Variants in AGA observed in about 807,000 individuals in gnomAD.
The protein encoded by AGA is N(4)-(beta-N-acetylglucosaminyl)-L-asparaginase.
AGA carries 31 observed loss-of-function variants against 40.1 expected under a neutral mutation model. The observed-to-expected ratio is 0.77, with a 90% confidence interval of 0.58 to 1.04. The LOEUF (loss-of-function observed/expected upper bound fraction) is 1.04. Ranked by LOEUF, AGA falls within the 50% of genes least tolerant of loss-of-function variation. The probability of loss-of-function intolerance (pLI) is 0.00; values close to 1 mark genes in which losing one functional copy is unlikely to be tolerated. For synonymous variants in AGA, 148 were observed against 144.0 expected (o/e 1.03, Z -0.20); for missense variants, 445 against 435.4 (o/e 1.02, Z -0.20).
chr4:177,431,248 T>A lies in AGA; in HGVS notation c.*460A>T, dbSNP rs1354543551. The A allele has an allele frequency of 2.3e-6, 1 of 440,134 alleles. No individual in the cohort carries two copies. Among genetic ancestry groups the A allele is most frequent in the Non-Finnish European group, 4.5e-6 (1 of 222,790 alleles). The allele number at this position is 440,134 out of a possible 1,614,324, so 27.3% of individuals were successfully genotyped here. A position where few individuals can be genotyped will look rare whatever the true frequency, so the allele number is the denominator to read the frequency against. On this transcript the variant is annotated 3_prime_UTR_variant, in exon 9 of 9. Transcript: ENST00000264595. ...AATATTAAGTAAAACCAATAATCAG[T>A]GCTAAGACATGCATCACTGTGACAT...
intron 5 of AGA, 33 bp from the exon 6 acceptor site, chr4:177,436,384 G>A (rs758111896): frequency 5.3e-5 from 83 of 1,560,318 alleles, no homozygotes; most frequent in Non-Finnish European, 7.0e-5. Flanking sequence ...CACTGTAGGT[G>A]TATAAAGTTT....
rs1560945023 is a variant in AGA at position 177,431,774 on chromosome 4, C to CTGAGTAAA, written c.967_974dup (p.Gln325HisfsTer43). ...CGGAATTATAAACCATGAAACTAAACTGAGTAAATGTTGAAAGTTTATTGC... is the reference window on the plus strand; with the variant it reads ...CGGAATTATAAACCATGAAACTAAACTGAGTAAATGAGTAAATGTTGAAAGTTTATTGC... On this transcript the variant is annotated frameshift_variant, in exon 9 of 9. Coordinates refer to ENST00000264595, the MANE Select transcript of AGA (RefSeq NM_000027.4). LOFTEE classifies it high-confidence loss of function. 1 of 1,613,834 alleles carries CTGAGTAAA rather than the reference C, an allele frequency of 6.2e-7. No homozygotes were observed. Among genetic ancestry groups the CTGAGTAAA allele is most frequent in the East Asian group, 2.2e-5 (1 of 44,848 alleles).
intron 8 of AGA, 84 bp from the exon 9 acceptor site, chr4:177,431,892 G>T (rs3805167): frequency 8.2e-5 from 91 of 1,107,054 alleles, no homozygotes; most frequent in Non-Finnish European, 1.2e-4. Context: ...TATTTGACTA[G>T]ACACTGGCTA....
rs1736607561 is a variant in AGA, at chr4:177,430,852, G to C, written c.*856C>G. On this transcript the variant is annotated 3_prime_UTR_variant, in exon 9 of 9. Coordinates refer to ENST00000264595, the MANE Select transcript of AGA (RefSeq NM_000027.4). ...TTGAAGGAAAAATGCTGCTGAGAAA[G>C]CACGCGCACAACTTCTGTAGAGTTG... 1 of 454,058 alleles carries C rather than the reference G, an allele frequency of 2.2e-6. No individual in the cohort carries two copies. Among genetic ancestry groups the C allele is most frequent in the Non-Finnish European group, 4.4e-6 (1 of 226,776 alleles). The allele number at this position is 454,058 out of a possible 1,614,324, so 28.1% of individuals were successfully genotyped here. A position where few individuals can be genotyped will look rare whatever the true frequency, so the allele number is the denominator to read the frequency against.
chr4:177,437,887 T>C (rs964275836), intron 4 of AGA, among the ~76,000 whole-genome samples: 9 of 152,176 alleles, frequency 5.9e-5, no homozygotes, highest in Non-Finnish European at 1.2e-4. Flanking sequence ...ATTTCAGAAA[T>C]TTGTTCCTTG....
intron 4 of AGA, 76 bp from the exon 5 acceptor site, chr4:177,437,595 A>G (rs777232075): frequency 2.1e-4 from 207 of 1,002,652 alleles, no homozygotes; most frequent in Non-Finnish European, 3.3e-5. Flanking sequence ...TACAATCGCT[A>G]AACACTAGCA....
At chr4:177,440,728 A>G (rs556170251) in intron 1 of AGA, among the ~76,000 whole-genome samples, 4 of 151,774 alleles carry the variant, frequency 2.6e-5, no homozygotes, top group African/African-American at 9.7e-5. Flanking sequence ...CCTTTATTTT[A>G]AAAGGTACAA....
chr4:177,440,793 C>A (rs1311500217), intron 1 of AGA, among the ~76,000 whole-genome samples: 1 of 152,174 alleles, frequency 6.6e-6, no homozygotes, highest in Non-Finnish European at 1.5e-5. Context: ...CAGCCTTCTT[C>A]ACACATTTCT....
At chr4:177,436,169 C>T (rs1378825307) in intron 6 of AGA, 107 bp downstream of exon 6, 31 of 904,286 alleles carry the variant, frequency 3.4e-5, no homozygotes, top group South Asian at 3.0e-4. Flanking sequence ...ACTCATTCAT[C>T]GCAGCTGTGA....
rs1454826538 is a variant in AGA at position 177,440,392 on chromosome 4, C to T, written c.162G>A (p.Leu54=). 2 of 1,614,088 alleles carry T rather than the reference C, an allele frequency of 1.2e-6. No individual in the cohort carries two copies. The highest frequency in any genetic ancestry group is 1.7e-6 in the Non-Finnish European group (2 of 1,180,036). Residue 54 remains leucine, a synonymous_variant, in exon 2 of 9, where the codon CTG becomes CTA. Coordinates refer to ENST00000264595, the MANE Select transcript of AGA (RefSeq NM_000027.4). The part of the protein sequence containing the change: ...WRALASGGSA[L]DAVESGCAMC... ...TGGCACAGCCGCTCTCCACTGCATC[C>T]AGGGCAGAGCCTCCAGATGCTAATG...
In AGA at chr4:177,440,256, C is replaced by CT; in HGVS notation, c.281+16dup. On this transcript the variant is annotated intron_variant, in intron 2 of 8. Transcript: ENST00000264595. Reference sequence around the variant, plus strand: ...TGTAACTCAACATAATAAATAGGACCTGAACGGTGTTCTTACCCATCCATG... The same window carrying CT: ...TGTAACTCAACATAATAAATAGGACCTTGAACGGTGTTCTTACCCATCCATG... 1 of 1,613,712 alleles carries CT rather than the reference C, an allele frequency of 6.2e-7. No homozygotes were observed. The highest frequency in any genetic ancestry group is 2.2e-5 in the East Asian group (1 of 44,854).
chr4:177,437,474 G>A lies in AGA; in HGVS notation c.553C>T (p.Pro185Ser), dbSNP rs918235027. The A allele has an allele frequency of 3.1e-6, 5 of 1,613,264 alleles. No homozygotes were observed. The African/African-American group carries it at 6.7e-5, about 22-fold the overall frequency. Residue 185 changes from proline (P) to serine (S), a missense_variant, in exon 5 of 9, where the codon CCT becomes TCT. Transcript: ENST00000264595. ...PSKYCGPYKP[P>S]GILKQDIPIH... The stretch of plus-strand genomic sequence containing the variant: ...GGAATATCCTGCTTTAAGATACCAG[G>A]TGGTTTGTAGGGTCCGCAGTATTTT...
intron 4 of AGA, 43 bp downstream of exon 4, chr4:177,438,702 T>C: frequency 7.6e-7 from 1 of 1,313,606 alleles, no homozygotes; most frequent in Non-Finnish European, 1.1e-6. Context: ...TGTCACTGAA[T>C]ATTTTCAATT....
In AGA at chr4:177,431,776, G is replaced by A; in HGVS notation, c.973C>T (p.Gln325Ter). The change falls in exon 9 of 9, where the codon CAG becomes TAG. Residue 325 changes from glutamine (Q) to a stop codon, truncating the protein, a stop_gained. Transcript: ENST00000264595. LOFTEE classifies it high-confidence loss of function. ...AACNKLSTFT[Q>*]FSFMVYNSEK... ...GAATTATAAACCATGAAACTAAACT[G>A]AGTAAATGTTGAAAGTTTATTGCAA... 1.2e-6 allele frequency: 2 copies of A among 1,613,850 alleles called. No individual in the cohort carries two copies. The highest frequency in any genetic ancestry group is 1.3e-5 in the African/African-American group (1 of 75,028).
At chr4:177,435,612 C>G (rs76669671) in intron 6 of AGA, among the ~76,000 whole-genome samples, 11 of 152,054 alleles carry the variant, frequency 7.2e-5, no homozygotes, top group African/African-American at 1.7e-4. Context: ...ATCCAGAATG[C>G]CTTCAACTGA....
rs914214303 is a variant in AGA at position 177,431,556 on chromosome 4, T to C, written c.*152A>G. 1.3e-5 allele frequency: 9 copies of C among 708,088 alleles called. No individual in the cohort carries two copies. Among genetic ancestry groups the C allele is most frequent in the South Asian group, 6.2e-5 (4 of 64,568 alleles). The allele number at this position is 708,088 out of a possible 1,614,324, so 43.9% of individuals were successfully genotyped here. ...AAAATAGATAATACAATTTCAGATA[T>C]AGAAAGTGCCAATTCAACATAAATT... On this transcript the variant is annotated 3_prime_UTR_variant, in exon 9 of 9. Coordinates refer to ENST00000264595, the MANE Select transcript of AGA (RefSeq NM_000027.4).
At position 177,439,590 on chromosome 4, in the gene AGA, A is replaced by C. The variant is rs1180560820; in HGVS notation, c.380T>G (p.Leu127Ter). ...KVLEHTTHTL[L>*]VGESATTFAQ... ...TAAAAAAATACCTGACTCTCCTACT[A>C]AAAGTGTGTGTGTTGTATGTTCCAG... Residue 127 changes from leucine (L) to a stop codon, truncating the protein, a stop_gained, in exon 3 of 9, where the codon TTA (leucine) becomes TGA (stop). Transcript: ENST00000264595. LOFTEE classifies it high-confidence loss of function. 6.2e-7 allele frequency: 1 copy of C among 1,612,686 alleles called. No individual in the cohort carries two copies. Among genetic ancestry groups the C allele is most frequent in the Non-Finnish European group, 8.5e-7 (1 of 1,178,804 alleles).
intron 7 of AGA, among the ~76,000 whole-genome samples, chr4:177,433,830 C>T (rs1736706239): frequency 1.3e-5 from 2 of 151,964 alleles, no homozygotes; most frequent in Admixed American, 1.3e-4. Context: ...TAAGTATTCT[C>T]ATCTGGGAAG....
At chr4:177,442,117 C>T (rs952815243) in intron 1 of AGA, 132 bp downstream of exon 1, 8 of 1,346,622 alleles carry the variant, frequency 5.9e-6, no homozygotes, top group Non-Finnish European at 8.1e-6. Context: ...ACCTAGAGGG[C>T]GGGACCGCGA....
Sources: allele counts gnomAD v4.1 joint callset (sites outside exome capture counted in the v4.1 genomes callset), GRCh38; gene constraint gnomAD v4.1.1; transcripts MANE v1.5; gene names NCBI Gene and HGNC (gene_info 2026-07-23, HGNC 2026-07-21).